Variants in PRKAR1B observed in about 807,000 individuals in gnomAD.
PRKAR1B encodes protein kinase cAMP-dependent type I regulatory subunit beta.
Under a neutral mutation model 46.5 loss-of-function variants are expected in PRKAR1B, and 22 were observed. That is an observed-to-expected ratio of 0.47 (90% CI 0.34 to 0.68). The LOEUF (loss-of-function observed/expected upper bound fraction) is 0.68, where lower values mean the gene tolerates loss of function less well. PRKAR1B is among the 30% of genes least tolerant of loss of function. The pLI is 0.01. For synonymous variants in PRKAR1B, 259 were observed against 217.7 expected (o/e 1.19, Z -1.67); for missense variants, 445 against 535.6 (o/e 0.83, Z 1.67).
chr7:650,841 C>T (rs1462840334), intron 4 of PRKAR1B, among the ~76,000 whole-genome samples: 2 of 152,214 alleles, frequency 1.3e-5, no homozygotes, highest in Non-Finnish European at 2.9e-5. Flanking sequence ...CCAGAGGCGT[C>T]TGAGGCAAAG....
At position 629,363 on chromosome 7, in the gene PRKAR1B, G is replaced by A. The variant is rs1267358131; in HGVS notation, c.441-21911C>T. 3.5e-4 allele frequency among the ~76,000 whole-genome samples: 51 copies of A among 145,370 alleles called. 4 individuals are homozygous for A. The stretch of plus-strand genomic sequence containing the variant: ...CGAAGGCACCACCACCCCAAGGCTG[G>A]AAAATGCTGCAGAAGCGGGACCACG... On this transcript the variant is annotated intron_variant, in intron 4 of 10. Transcript: ENST00000537384.
In PRKAR1B at chr7:628,641, C is replaced by T. The variant is rs541826359; in HGVS notation, c.441-21189G>A. Among the ~76,000 whole-genome samples the T allele has an allele frequency of 1.7e-4, 26 of 152,240 alleles. 1 individual carries two copies. Among genetic ancestry groups the T allele is most frequent in the African/African-American group, 5.1e-4 (21 of 41,534 alleles). On this transcript the variant is annotated intron_variant, in intron 4 of 10. Transcript: ENST00000537384. ...TGTCAGGATTGGACCAGGGTCAGGCCGGCCAGGCGATGGCGGGAAAAGCAG... is the reference window on the plus strand; with the variant it reads ...TGTCAGGATTGGACCAGGGTCAGGCTGGCCAGGCGATGGCGGGAAAAGCAG...
chr7:645,758 G>A (rs2128487280), intron 4 of PRKAR1B, among the ~76,000 whole-genome samples: 1 of 152,224 alleles, frequency 6.6e-6, no homozygotes, highest in African/African-American at 2.4e-5. Flanking sequence ...GGGACCCTGG[G>A]ATCCCGGATG....
chr7:706,422 A>ATGTTTTTTTTTTT (rs1780326036), intron 2 of PRKAR1B, among the ~76,000 whole-genome samples: 1 of 102,298 alleles, frequency 9.8e-6, no homozygotes, highest in Non-Finnish European at 1.9e-5. Context: ...CAAATAAGGA[A>ATGTTTTTTTTTTT]TTTTTTTTTT....
At chr7:713,658 C>A (rs1780771395) in intron 1 of PRKAR1B, among the ~76,000 whole-genome samples, 1 of 152,062 alleles carries the variant, frequency 6.6e-6, no homozygotes, top group South Asian at 2.1e-4. Flanking sequence ...CTCACTCAGC[C>A]CTCCCATGCT....
intron 2 of PRKAR1B, among the ~76,000 whole-genome samples, chr7:707,664 T>C (rs1780399920): frequency 6.6e-6 from 1 of 152,162 alleles, no homozygotes; most frequent in Admixed American, 6.5e-5. Flanking sequence ...TGGTCCAGGA[T>C]GACTAGTGTC....
chr7:716,172 A>C (rs1053966235), intron 1 of PRKAR1B, among the ~76,000 whole-genome samples: 1 of 151,586 alleles, frequency 6.6e-6, no homozygotes, highest in African/African-American at 2.4e-5. Flanking sequence ...TTCAACATCC[A>C]GAGTAGTTGG....
intron 4 of PRKAR1B, among the ~76,000 whole-genome samples, chr7:626,539 A>G (rs1401073950): frequency 6.6e-6 from 1 of 152,178 alleles, no homozygotes; most frequent in Non-Finnish European, 1.5e-5. Flanking sequence ...GACTAAGCAC[A>G]GATGTGTTCA....
intron 2 of PRKAR1B, among the ~76,000 whole-genome samples, chr7:685,261 C>CATATATTCGT (rs1778945847): frequency 1.6e-5 from 1 of 61,420 alleles, no homozygotes; most frequent in African/African-American, 7.0e-5. Context: ...TTTATATATA[C>CATATATTCGT]ATATATACGT....
At chr7:634,176 C>T (rs1382296570) in intron 4 of PRKAR1B, among the ~76,000 whole-genome samples, 2 of 152,100 alleles carry the variant, frequency 1.3e-5, no homozygotes, top group East Asian at 3.9e-4. Flanking sequence ...GCGCCTGCCA[C>T]CATGCCCGGC....
chr7:596,681 C>G (rs903205815), intron 6 of PRKAR1B, among the ~76,000 whole-genome samples: 1 of 152,288 alleles, frequency 6.6e-6, no homozygotes, highest in African/African-American at 2.4e-5. Flanking sequence ...CACTCAGCCT[C>G]TCTGGGCCTC....
At chr7:662,908 A>G (rs1785692883) in intron 4 of PRKAR1B, among the ~76,000 whole-genome samples, 1 of 152,130 alleles carries the variant, frequency 6.6e-6, no homozygotes, top group Admixed American at 6.6e-5. Flanking sequence ...TTCCAGAAGC[A>G]CCACCCTGTT....
chr7:560,788 C>A lies in PRKAR1B; in HGVS notation c.892-9318G>T, dbSNP rs543165228. Among the ~76,000 whole-genome samples the A allele has an allele frequency of 1.5e-4, 23 of 152,346 alleles. No homozygotes were observed. Among genetic ancestry groups the A allele is most frequent in the African/African-American group, 5.1e-4 (21 of 41,578 alleles). On this transcript the variant is annotated intron_variant, in intron 9 of 10. Transcript: ENST00000537384. The surrounding 1 kb of genome is among the most constrained non-coding windows in gnomAD (Gnocchi z 4.2). ...CCCAGCTCCAGGAGTTCCAGCACGT[C>A]AAACGGGACAGTCATCATGAGGGCG...
chr7:688,095 CAAAAAAAAAAAAA>C (rs762256783), intron 2 of PRKAR1B, among the ~76,000 whole-genome samples: 3 of 34,056 alleles, frequency 8.8e-5, no homozygotes, highest in Non-Finnish European at 1.6e-4. Context: ...CACTCCACCT[CAAAAAAAAAAAAA>C]AAAAAAAAAA....
In PRKAR1B at chr7:718,220, C is replaced by T. The variant is rs190280350; in HGVS notation, c.-22-6693G>A. On this transcript the variant is annotated intron_variant, in intron 1 of 10. Transcript: ENST00000537384. ...CCTGGACTCCTGACCCACAGACAGC[C>T]GGCCCCAGGCCTTCACTGGGGGAAG... Among the ~76,000 whole-genome samples, 731 of 151,408 alleles carry T rather than the reference C, an allele frequency of 4.8e-3. 7 individuals carry two copies. The highest frequency in any genetic ancestry group is 8.3e-3 in the Non-Finnish European group (562 of 67,888).
chr7:728,456 C>T (rs1285051542), upstream of PRKAR1B, among the ~76,000 whole-genome samples: 3 of 152,126 alleles, frequency 2.0e-5, no homozygotes, highest in African/African-American at 7.2e-5. Context: ...AGAATAGATT[C>T]CAGAAGTAGA....
intron 2 of PRKAR1B, among the ~76,000 whole-genome samples, chr7:708,831 C>T (rs1780464478): frequency 1.3e-5 from 2 of 148,750 alleles, no homozygotes; most frequent in African/African-American, 2.5e-5. Context: ...CTCCCTCTGT[C>T]GCCCAGGCCA....
chr7:597,009 C>G (rs992821569), intron 6 of PRKAR1B, among the ~76,000 whole-genome samples: 1 of 152,272 alleles, frequency 6.6e-6, no homozygotes, highest in Non-Finnish European at 1.5e-5. Context: ...CCGCCGCCCC[C>G]GCACAGGGTG....
chr7:626,582 TA>T (rs1278664430), intron 4 of PRKAR1B, among the ~76,000 whole-genome samples: 5 of 152,022 alleles, frequency 3.3e-5, no homozygotes, highest in African/African-American at 1.2e-4. Flanking sequence ...TAGGAAGAAA[TA>T]ATACCAATTC....
Sources: gnomAD v4.1 joint callset for allele counts (sites outside exome capture counted in the v4.1 genomes callset) on GRCh38, gnomAD v4.1.1 for gene constraint, Gnocchi (gnomAD v3.1) non-coding constraint, MANE v1.5 for transcripts, NCBI Gene and HGNC (gene_info 2026-07-23, HGNC 2026-07-21) for gene names.